SLC9A7: variants seen among roughly 807,000 people sequenced by gnomAD.
SLC9A7 encodes solute carrier family 9 member A7.
In SLC9A7, 19 loss-of-function variants were observed where a neutral mutation model predicts 52.6. The observed-to-expected ratio is 0.36, with a 90% CI of 0.25 to 0.53. SLC9A7 has a LOEUF of 0.53. Among genes scored for constraint, SLC9A7 ranks in the 20% least tolerant of loss-of-function variants. The pLI, the probability that SLC9A7 is intolerant of heterozygous loss-of-function variation, is 0.91. For synonymous variants in SLC9A7, 226 were observed against 252.1 expected (o/e 0.90, Z 0.98); for missense variants, 455 against 597.9 (o/e 0.76, Z 2.49).
At chrX:46,654,260 C>T (rs141250017) in intron 7 of SLC9A7, among the ~76,000 whole-genome samples, 57 of 109,782 alleles carry the variant, frequency 5.2e-4, no homozygotes, top group African/African-American at 1.6e-3. Flanking sequence ...TGTGGTCACA[C>T]GCATCTGTAA....
intron 1 of SLC9A7, among the ~76,000 whole-genome samples, chrX:46,743,788 T>C (rs189777205): frequency 9.0e-6 from 1 of 111,245 alleles, no homozygotes; most frequent in East Asian, 2.8e-4. Context: ...CCTCAAATCC[T>C]TTCTCTGGCC....
chrX:46,741,457 A>G (rs918045210), intron 1 of SLC9A7, among the ~76,000 whole-genome samples: 5 of 111,772 alleles, frequency 4.5e-5, no homozygotes, highest in African/African-American at 6.5e-5. Flanking sequence ...AATAAAATAG[A>G]AAGTCCGGAA....
intron 14 of SLC9A7, among the ~76,000 whole-genome samples, chrX:46,626,301 G>A (rs1189313591): frequency 1.8e-5 from 2 of 111,968 alleles, no homozygotes; most frequent in Non-Finnish European, 3.8e-5. Flanking sequence ...CGGACATGGA[G>A]TCTCGCTGTG....
At chrX:46,669,813 A>C in intron 4 of SLC9A7, 94 bp from the exon 5 acceptor site, 1 of 394,346 alleles carries the variant, frequency 2.5e-6, no homozygotes, top group East Asian at 4.4e-5. Flanking sequence ...GCTCTTAGAG[A>C]TTTATGAAAA....
At chrX:46,718,785 A>C (rs1307398578) in intron 1 of SLC9A7, among the ~76,000 whole-genome samples, 2 of 112,194 alleles carry the variant, frequency 1.8e-5, no homozygotes, top group Non-Finnish European at 3.8e-5. Flanking sequence ...ATCATTAAAA[A>C]GTCAGGAAAC....
intron 13 of SLC9A7, 105 bp from the exon 14 acceptor site, chrX:46,631,754 G>A (rs902302363): frequency 1.2e-5 from 7 of 589,400 alleles, no homozygotes; most frequent in Non-Finnish European, 2.0e-5. Flanking sequence ...TCATCTTCCC[G>A]AAGCATAAGG....
intron 15 of SLC9A7, among the ~76,000 whole-genome samples, chrX:46,620,512 T>A (rs1943028253): frequency 8.9e-6 from 1 of 111,989 alleles, no homozygotes; most frequent in Non-Finnish European, 1.9e-5. Context: ...ACCAAGTGAA[T>A]CTACTGGAAC....
chrX:46,755,746 C>T (rs1412771054), intron 1 of SLC9A7, among the ~76,000 whole-genome samples: 5 of 106,707 alleles, frequency 4.7e-5, no homozygotes, highest in African/African-American at 1.4e-4. Flanking sequence ...TGCTTGAATC[C>T]GGGAGGTGGA....
rs757054435 is a variant in SLC9A7 at position 46,743,364 on chromosome X, G to A, written c.325+15341C>T. ...GCCAGGCTAAATTGCTTTTGCAAATGTGATTTATGGTGAACACCTGCTTTC... is the reference window on the plus strand; with the variant it reads ...GCCAGGCTAAATTGCTTTTGCAAATATGATTTATGGTGAACACCTGCTTTC... On this transcript the variant is annotated intron_variant, in intron 1 of 16. Coordinates refer to ENST00000616978, the MANE Select transcript of SLC9A7 (RefSeq NM_001257291.2). 1.3e-4 allele frequency among the ~76,000 whole-genome samples: 15 copies of A among 112,331 alleles called. No homozygotes were observed. In the South Asian group the frequency reaches 4.1e-3, roughly 30 times the overall value.
intron 1 of SLC9A7, chrX:46,725,721 T>C: frequency 6.8e-6 from 8 of 1,171,258 alleles, no homozygotes; most frequent in Non-Finnish European, 9.3e-6. Context: ...AGAAATCTTC[T>C]TGTCAATGGA....
At position 46,631,663 on chromosome X, in the gene SLC9A7, G is replaced by A; in HGVS notation, c.1677-14C>T. The A allele has an allele frequency of 1.1e-5, 13 of 1,193,695 alleles. No individual in the cohort carries two copies. Among genetic ancestry groups the A allele is most frequent in the Non-Finnish European group, 1.2e-5 (11 of 880,026 alleles). ...TCAACACCAACTCTGAAAGTCACCA[G>A]GGAGAAAGACAAAGAGAAAAACAGA... On this transcript the variant is annotated splice_polypyrimidine_tract_variant and intron_variant, in intron 13 of 16. Transcript: ENST00000616978.
intron 14 of SLC9A7, among the ~76,000 whole-genome samples, chrX:46,621,844 AG>A (rs1354011542): frequency 8.9e-6 from 1 of 112,359 alleles, no homozygotes; most frequent in Non-Finnish European, 1.9e-5. Flanking sequence ...GGGTACTACT[AG>A]GGCTGTGCAA....
chrX:46,689,210 G>A (rs752104539), intron 1 of SLC9A7, among the ~76,000 whole-genome samples: 1 of 111,865 alleles, frequency 8.9e-6, no homozygotes, highest in African/African-American at 3.3e-5. Flanking sequence ...GTTTTGTTTT[G>A]TTTTTTCCAT....
chrX:46,736,825 C>T (rs918633507), intron 1 of SLC9A7, among the ~76,000 whole-genome samples: 1 of 111,377 alleles, frequency 9.0e-6, no homozygotes, highest in African/African-American at 3.3e-5. Context: ...TCTTGCAGCT[C>T]CCCAGGCCTT....
At chrX:46,730,699 T>TATATATATAG (rs1945023468) in intron 1 of SLC9A7, among the ~76,000 whole-genome samples, 1 of 54,638 alleles carries the variant, frequency 1.8e-5, no homozygotes, top group African/African-American at 7.0e-5. Context: ...TATATATATA[T>TATATATATAG]ATATATATAT....
rs190764459 is a variant in SLC9A7 at position 46,700,396 on chromosome X, A to G, written c.326-17861T>C. ...ACCTAAGGACTGGATTAAAAAGGTT[A>G]CTACAGATGAACACAAACTTTCCTG... On this transcript the variant is annotated intron_variant, in intron 1 of 16. Coordinates refer to ENST00000616978, the MANE Select transcript of SLC9A7 (RefSeq NM_001257291.2). Among the ~76,000 whole-genome samples the G allele has an allele frequency of 2.7e-5, 3 of 112,475 alleles. No individual in the cohort carries two copies. The East Asian group carries it at 8.4e-4, about 31-fold the overall frequency.
At chrX:46,752,122 C>T (rs1292703199) in intron 1 of SLC9A7, among the ~76,000 whole-genome samples, 2 of 111,869 alleles carry the variant, frequency 1.8e-5, no homozygotes, top group East Asian at 2.8e-4. Context: ...AGCTAGTAGG[C>T]TGCAATATTT....
chrX:46,670,947 G>A (rs779657490), intron 4 of SLC9A7, among the ~76,000 whole-genome samples: 13 of 110,823 alleles, frequency 1.2e-4, no homozygotes, highest in Non-Finnish European at 1.7e-4. Context: ...AGACTTCTCC[G>A]GCAGCCTTTT....
At position 46,758,709 on chromosome X, in the gene SLC9A7, G is replaced by T; in HGVS notation, c.321C>A (p.Ile107=). The T allele has an allele frequency of 8.5e-7, 1 of 1,172,149 alleles. No homozygotes were observed. Among genetic ancestry groups the T allele is most frequent in the Non-Finnish European group, 1.1e-6 (1 of 873,295 alleles). Residue 107 remains isoleucine (I), a synonymous_variant, in exon 1 of 17, where the codon ATC becomes ATA. Coordinates refer to ENST00000616978, the MANE Select transcript of SLC9A7 (RefSeq NM_001257291.2). ...GGGTGTAACAGGGGTGCTCACCATA[G>T]ATCATGGCCAGCCCGGTCTCGTGCA... is the stretch of plus-strand genomic sequence containing the variant. ...RFLHETGLAM[I]YGLIVGVILR... is the part of the protein sequence containing the mutation.
Sources: allele counts gnomAD v4.1 joint callset (sites outside exome capture counted in the v4.1 genomes callset), GRCh38; gene constraint gnomAD v4.1.1; transcripts MANE v1.5; gene names NCBI Gene and HGNC (gene_info 2026-07-23, HGNC 2026-07-21).